The following TMEM196 variants were observed in gnomAD, a reference collection of about 807,000 sequenced individuals.
The protein encoded by TMEM196 is transmembrane protein 196.
Under a neutral mutation model 20.0 loss-of-function variants are expected in TMEM196, and 17 were observed. The observed-to-expected ratio is 0.85, with a 90% CI of 0.58 to 1.27. The LOEUF (loss-of-function observed/expected upper bound fraction) is 1.27, where lower values mean the gene tolerates loss of function less well. Ranked by LOEUF, TMEM196 falls within the 50% of genes most tolerant of loss-of-function variation. The probability of loss-of-function intolerance (pLI) is 0.00; values close to 1 mark genes in which losing one functional copy is unlikely to be tolerated. For missense variants in TMEM196, 267 were observed against 223.0 expected (o/e 1.20, Z -1.26); for synonymous variants, 113 against 88.9 (o/e 1.27, Z -1.52).
At chr7:19,736,807 T>C (rs1784424317) in intron 1 of TMEM196, among the ~76,000 whole-genome samples, 1 of 151,960 alleles carries the variant, frequency 6.6e-6, no homozygotes, top group Admixed American at 6.6e-5. Flanking sequence ...GTGAGAGTTG[T>C]TTGGTTTGTA....
At chr7:19,726,866 A>T (rs546841386) in intron 2 of TMEM196, among the ~76,000 whole-genome samples, 1 of 152,298 alleles carries the variant, frequency 6.6e-6, no homozygotes, top group African/African-American at 2.4e-5. Context: ...TCTCGGGAAC[A>T]CAGACTTATT....
At chr7:19,741,075 C>G (rs1238553745) in intron 1 of TMEM196, among the ~76,000 whole-genome samples, 2 of 152,072 alleles carry the variant, frequency 1.3e-5, no homozygotes, top group Non-Finnish European at 2.9e-5. Context: ...TTTTGATAGT[C>G]TCTCGACCCT....
At chr7:19,726,997 C>T (rs1324143812) in intron 2 of TMEM196, among the ~76,000 whole-genome samples, 1 of 152,086 alleles carries the variant, frequency 6.6e-6, no homozygotes, top group Non-Finnish European at 1.5e-5. Flanking sequence ...CAAATTAAGT[C>T]CTAACTTGGA....
chr7:19,724,433 G>C, intron 3 of TMEM196, 80 bp from the exon 4 acceptor site: 1 of 1,265,610 alleles, frequency 7.9e-7, no homozygotes, highest in Non-Finnish European at 1.1e-6. Flanking sequence ...ATAAAATAAA[G>C]CACAAAAGAG....
chr7:19,733,412 G>A (rs72591445), intron 1 of TMEM196, among the ~76,000 whole-genome samples: 16,091 of 152,098 alleles, frequency 0.11, 1,543 homozygotes, highest in East Asian at 0.54. Context: ...ATTCAAAGAG[G>A]GAAATCTTCT....
chr7:19,728,889 G>T (rs959586097), intron 2 of TMEM196, among the ~76,000 whole-genome samples: 2 of 152,124 alleles, frequency 1.3e-5, no homozygotes, highest in African/African-American at 2.4e-5. Flanking sequence ...AGTAATAAAA[G>T]AAAATAAAAT....
chr7:19,725,755 G>A lies in TMEM196; in HGVS notation c.218C>T (p.Ser73Leu), dbSNP rs1783979863. The A allele has an allele frequency of 6.2e-7, 1 of 1,600,930 alleles. No individual in the cohort carries two copies. Among genetic ancestry groups the A allele is most frequent in the Non-Finnish European group, 8.5e-7 (1 of 1,170,974 alleles). The change falls in exon 3 of 5, where the codon TCA becomes TTA. Residue 73 changes from serine (S) to leucine (L), a missense_variant. Transcript: ENST00000405844. ...KKSGLVMILF[S>L]ACCICGLIGG... ...AATAAGTCCACAGATACAGCAGGCT[G>A]AAAAGAGGATCATCTGATAAGAAAA...
At chr7:19,768,703 A>G (rs1286547047) in intron 1 of TMEM196, among the ~76,000 whole-genome samples, 1 of 152,202 alleles carries the variant, frequency 6.6e-6, no homozygotes, top group Non-Finnish European at 1.5e-5. Context: ...AGAATCAAGA[A>G]GAAACAAAAA....
At chr7:19,751,119 TGAA>T (rs1354247178) in intron 1 of TMEM196, among the ~76,000 whole-genome samples, 1 of 152,206 alleles carries the variant, frequency 6.6e-6, no homozygotes, top group Non-Finnish European at 1.5e-5. Context: ...CTAAACCATG[TGAA>T]GAAGAAATAT....
At chr7:19,769,251 A>C (rs1480032983) in intron 1 of TMEM196, among the ~76,000 whole-genome samples, 1 of 152,126 alleles carries the variant, frequency 6.6e-6, no homozygotes, top group Non-Finnish European at 1.5e-5. Context: ...AAAGAGATGA[A>C]TAATTTTCTA....
intron 1 of TMEM196, among the ~76,000 whole-genome samples, chr7:19,746,523 T>C (rs1394937016): frequency 1.3e-5 from 2 of 152,250 alleles, no homozygotes; most frequent in African/African-American, 4.8e-5. Context: ...CAATTTAGGC[T>C]ATTTCAGTGT....
intron 1 of TMEM196, among the ~76,000 whole-genome samples, chr7:19,738,253 T>G (rs1465979627): frequency 1.3e-5 from 2 of 152,082 alleles, no homozygotes; most frequent in Non-Finnish European, 2.9e-5. Flanking sequence ...TTTCTTACTG[T>G]TAGAGTGAGA....
At chr7:19,764,307 C>G (rs147704486) in intron 1 of TMEM196, among the ~76,000 whole-genome samples, 12 of 152,298 alleles carry the variant, frequency 7.9e-5, no homozygotes, top group Non-Finnish European at 1.5e-4. Flanking sequence ...CCCTGCAGAG[C>G]TCTCCAAGCC....
chr7:19,772,755 T>C lies in TMEM196; in HGVS notation c.-59A>G. 2.1e-6 allele frequency: 3 copies of C among 1,403,958 alleles called. No individual in the cohort carries two copies. Among genetic ancestry groups the C allele is most frequent in the South Asian group, 3.1e-5 (2 of 63,998 alleles). The allele number at this position is 1,403,958 out of a possible 1,614,324, so 87.0% of individuals were successfully genotyped here. On this transcript the variant is annotated 5_prime_UTR_variant, in exon 1 of 5. Coordinates refer to ENST00000405844, the MANE Select transcript of TMEM196 (RefSeq NM_001363562.2). ...GGGAAATCAACCATCTACCTTTTTT[T>C]CTTCCACTATCCTCCTTACCCCTTC... is the stretch of plus-strand genomic sequence containing the variant.
intron 1 of TMEM196, among the ~76,000 whole-genome samples, chr7:19,739,245 A>T (rs1200773208): frequency 6.6e-6 from 1 of 152,194 alleles, no homozygotes; most frequent in Non-Finnish European, 1.5e-5. Context: ...TCAACTCTAC[A>T]TGGTAATATA....
intron 4 of TMEM196, among the ~76,000 whole-genome samples, chr7:19,723,041 G>A (rs1783865561): frequency 6.6e-6 from 1 of 152,032 alleles, no homozygotes; most frequent in Admixed American, 6.6e-5. Flanking sequence ...AAAATTAGAA[G>A]TGGAAATTAT....
At chr7:19,766,454 G>A (rs1785629751) in intron 1 of TMEM196, among the ~76,000 whole-genome samples, 1 of 151,694 alleles carries the variant, frequency 6.6e-6, no homozygotes, top group African/African-American at 2.4e-5. Context: ...TTAGACCAAT[G>A]CTGGACCTAG....
intron 1 of TMEM196, among the ~76,000 whole-genome samples, chr7:19,760,289 C>G (rs910184813): frequency 6.7e-6 from 1 of 149,472 alleles, no homozygotes; most frequent in Non-Finnish European, 1.5e-5. Context: ...CTCAGAGATG[C>G]TTTCCTGATT....
chr7:19,754,238 A>G (rs1417759202), intron 1 of TMEM196, among the ~76,000 whole-genome samples: 1 of 152,238 alleles, frequency 6.6e-6, no homozygotes, highest in Non-Finnish European at 1.5e-5. Flanking sequence ...AATTGTAGGT[A>G]TAAGTCACTT....
Sources: gnomAD v4.1 joint callset for allele counts (sites outside exome capture counted in the v4.1 genomes callset) on GRCh38, gnomAD v4.1.1 for gene constraint, MANE v1.5 for transcripts, NCBI Gene and HGNC (gene_info 2026-07-23, HGNC 2026-07-21) for gene names.